The following HIVEP3 variants were observed in gnomAD, a reference collection of about 807,000 sequenced individuals.
HIVEP3 encodes HIVEP zinc finger 3, also known as transcription factor HIVEP3.
HIVEP3 carries 49 observed loss-of-function variants against 152.8 expected under a neutral mutation model. That is an observed-to-expected ratio of 0.32 (90% CI 0.26 to 0.41). The LOEUF is 0.41. Among genes scored for constraint, HIVEP3 ranks in the 10% least tolerant of loss-of-function variants. HIVEP3 has a pLI of 1.00. For missense variants in HIVEP3, 2,790 were observed against 3,103.3 expected (o/e 0.90, Z 2.40); for synonymous variants, 1,269 against 1,289.0 (o/e 0.98, Z 0.33).
intron 1 of HIVEP3, among the ~76,000 whole-genome samples, chr1:41,713,595 C>T (rs374507823): frequency 2.6e-5 from 4 of 152,272 alleles, no homozygotes; most frequent in South Asian, 4.1e-4. Flanking sequence ...TTATTGTTTC[C>T]ATTATGGAAT....
intron 1 of HIVEP3, among the ~76,000 whole-genome samples, chr1:41,870,664 G>A (rs1197010553): frequency 2.0e-5 from 3 of 152,168 alleles, no homozygotes; most frequent in Non-Finnish European, 1.5e-5. Context: ...TTTAACAAAC[G>A]AAATTGTTTT....
chr1:41,985,934 T>A (rs1222329464), intron 1 of HIVEP3, among the ~76,000 whole-genome samples: 1 of 152,092 alleles, frequency 6.6e-6, no homozygotes, highest in Non-Finnish European at 1.5e-5. Context: ...AATATGAAAG[T>A]CAGTTTTAAA....
chr1:41,574,537 G>A (rs531959769), intron 5 of HIVEP3, among the ~76,000 whole-genome samples: 1 of 152,190 alleles, frequency 6.6e-6, no homozygotes, highest in African/African-American at 2.4e-5. Flanking sequence ...GCCCTGGGGA[G>A]GGTGGCAGTC....
chr1:41,529,422 C>G (rs1263388678), intron 5 of HIVEP3, among the ~76,000 whole-genome samples: 1 of 143,222 alleles, frequency 7.0e-6, no homozygotes, highest in East Asian at 2.1e-4. Flanking sequence ...CACCCTCACA[C>G]ACACCCTCAC....
chr1:41,800,907 C>T (rs996326707), intron 1 of HIVEP3, among the ~76,000 whole-genome samples: 3 of 152,200 alleles, frequency 2.0e-5, no homozygotes, highest in Non-Finnish European at 2.9e-5. Flanking sequence ...GGAAGGAATT[C>T]GTTACCTGCC....
intron 1 of HIVEP3, among the ~76,000 whole-genome samples, chr1:41,942,956 G>A (rs1356344301): frequency 6.6e-6 from 1 of 151,964 alleles, no homozygotes; most frequent in Non-Finnish European, 1.5e-5. Flanking sequence ...CTGGAGTGCA[G>A]TGGCATGAAC....
intron 1 of HIVEP3, among the ~76,000 whole-genome samples, chr1:41,723,011 G>A (rs1646700145): frequency 6.6e-6 from 1 of 152,126 alleles, no homozygotes; most frequent in African/African-American, 2.4e-5. Context: ...CTTGCAAGTT[G>A]CTCTAAAGGA....
chr1:41,752,602 G>A (rs972278779), intron 1 of HIVEP3, among the ~76,000 whole-genome samples: 1 of 152,206 alleles, frequency 6.6e-6, no homozygotes, highest in East Asian at 1.9e-4. Context: ...CCTGAACCCG[G>A]AGCATCAGCG....
chr1:41,823,078 G>T (rs921189934), intron 1 of HIVEP3, among the ~76,000 whole-genome samples: 27 of 152,222 alleles, frequency 1.8e-4, no homozygotes, highest in African/African-American at 5.5e-4. Context: ...AAGGGCTATG[G>T]CCTTATAAAA....
At position 41,508,869 on chromosome 1, in the gene HIVEP3, C is replaced by G. The variant is rs183682179; in HGVS notation, c.*1582G>C. The G allele has an allele frequency of 6.6e-6, 1 of 152,218 alleles. No individual in the cohort carries two copies. The allele number at this position is 152,218 out of a possible 1,614,324, so 9.4% of individuals were successfully genotyped here. On this transcript the variant is annotated 3_prime_UTR_variant, in exon 9 of 9. Transcript: ENST00000372583. ...AGGGTGGCATCAAACCCAGCCTTCA[C>G]GGGCCTCAACCGTAGTCCCTGTGCT...
intron 1 of HIVEP3, among the ~76,000 whole-genome samples, chr1:41,952,117 T>C (rs116003482): frequency 1.5e-3 from 232 of 152,326 alleles, no homozygotes; most frequent in African/African-American, 4.9e-3. Flanking sequence ...TCCCTGAAGA[T>C]ACATTCTCTC....
At chr1:41,799,999 C>T (rs995102489) in intron 1 of HIVEP3, among the ~76,000 whole-genome samples, 7 of 152,198 alleles carry the variant, frequency 4.6e-5, no homozygotes, top group African/African-American at 1.7e-4. Context: ...CAACTCTACT[C>T]TGCAAATGGC....
At chr1:41,692,081 T>C (rs1019721137) in intron 2 of HIVEP3, among the ~76,000 whole-genome samples, 2 of 152,182 alleles carry the variant, frequency 1.3e-5, no homozygotes, top group African/African-American at 4.8e-5. Flanking sequence ...TGACCTCAAG[T>C]GATCCACCTG....
At chr1:41,919,921 C>T (rs764859343), upstream of HIVEP3, among the ~76,000 whole-genome samples, 1 of 152,222 alleles carries the variant, frequency 6.6e-6, no homozygotes, top group African/African-American at 2.4e-5. Flanking sequence ...GCTGTCTGCT[C>T]CTCCGCTGGT....
At chr1:41,685,933 C>T (rs1646107751) in intron 2 of HIVEP3, among the ~76,000 whole-genome samples, 1 of 152,204 alleles carries the variant, frequency 6.6e-6, no homozygotes, top group Non-Finnish European at 1.5e-5. Context: ...ACAGTGGAAA[C>T]AACAGGCACC....
intron 7 of HIVEP3, among the ~76,000 whole-genome samples, chr1:41,516,217 C>G (rs1369060535): frequency 6.6e-6 from 1 of 152,266 alleles, no homozygotes; most frequent in African/African-American, 2.4e-5. Context: ...GGCCAACGCT[C>G]CACAAATGAG....
At chr1:41,974,395 T>C (rs1645247959) in intron 1 of HIVEP3, among the ~76,000 whole-genome samples, 2 of 151,800 alleles carry the variant, frequency 1.3e-5, no homozygotes, top group African/African-American at 4.8e-5. Context: ...CTAAGCTGGC[T>C]TGGCCACTCC....
At chr1:41,699,568 AAGG>A (rs1223338751) in intron 2 of HIVEP3, among the ~76,000 whole-genome samples, 1 of 152,178 alleles carries the variant, frequency 6.6e-6, no homozygotes. Flanking sequence ...AGGGGTAGGA[AAGG>A]AGGAGAGTGA....
At chr1:41,941,092 T>C (rs1645043465) in intron 1 of HIVEP3, among the ~76,000 whole-genome samples, 1 of 152,152 alleles carries the variant, frequency 6.6e-6, no homozygotes, top group Admixed American at 6.5e-5. Context: ...AAGAACAGTT[T>C]CCATGGTGTG....
Sources: allele counts gnomAD v4.1 joint callset (sites outside exome capture counted in the v4.1 genomes callset), GRCh38; gene constraint gnomAD v4.1.1; transcripts MANE v1.5; gene names NCBI Gene and HGNC (gene_info 2026-07-23, HGNC 2026-07-21).